The following THEMIS variants were observed in gnomAD, a reference collection of about 807,000 sequenced individuals.
THEMIS encodes thymocyte selection associated, also known as protein THEMIS.
A neutral mutation model predicts 52.6 loss-of-function variants in THEMIS; 37 were observed. That is an observed-to-expected ratio of 0.70 (90% CI 0.54 to 0.93). THEMIS has a LOEUF of 0.93. Ranked by LOEUF, THEMIS falls within the 40% of genes least tolerant of loss-of-function variation. The pLI is 0.00. For missense variants in THEMIS, 808 were observed against 763.1 expected, an observed-to-expected ratio of 1.06 and a Z score of -0.69; for synonymous variants, 292 against 272.7, an observed-to-expected ratio of 1.07 and a Z score of -0.70.
At chr6:127,760,200 G>A (rs1775976322) in intron 4 of THEMIS, among the ~76,000 whole-genome samples, 1 of 151,210 alleles carries the variant, frequency 6.6e-6, no homozygotes, top group Non-Finnish European at 1.5e-5. Context: ...CCATATATGT[G>A]TAGATTTACT....
At chr6:127,809,738 G>T (rs986011811) in intron 4 of THEMIS, among the ~76,000 whole-genome samples, 4 of 151,466 alleles carry the variant, frequency 2.6e-5, no homozygotes, top group African/African-American at 9.7e-5. Flanking sequence ...CACCAAATTT[G>T]TCCTCCCTTT....
At chr6:127,888,177 G>T (rs1780701495) in intron 1 of THEMIS, among the ~76,000 whole-genome samples, 1 of 152,106 alleles carries the variant, frequency 6.6e-6, no homozygotes, top group Admixed American at 6.6e-5. Context: ...AGGAGGAGAA[G>T]CAGATTAATA....
chr6:127,766,808 A>T (rs1168412314), intron 4 of THEMIS, among the ~76,000 whole-genome samples: 1 of 152,218 alleles, frequency 6.6e-6, no homozygotes, highest in African/African-American at 2.4e-5. Flanking sequence ...ACTTACTATG[A>T]ATGAAATTTG....
chr6:127,878,210 T>G (rs1385918398), intron 1 of THEMIS, among the ~76,000 whole-genome samples: 1 of 152,140 alleles, frequency 6.6e-6, no homozygotes, highest in Non-Finnish European at 1.5e-5. Context: ...TGCAAAGTGG[T>G]ATAAGAATCT....
chr6:127,796,747 A>G (rs1421039231), intron 4 of THEMIS, among the ~76,000 whole-genome samples: 1 of 152,224 alleles, frequency 6.6e-6, no homozygotes. Context: ...ACATGGGTAT[A>G]TACAGTATAT....
intron 1 of THEMIS, among the ~76,000 whole-genome samples, chr6:127,881,084 C>CT (rs1481993497): frequency 6.6e-6 from 1 of 151,962 alleles, no homozygotes; most frequent in African/African-American, 2.4e-5. Flanking sequence ...GTTTTATCAT[C>CT]TTTTTTTGCA....
At chr6:127,824,224 T>C (rs561973128) in intron 3 of THEMIS, among the ~76,000 whole-genome samples, 3 of 152,100 alleles carry the variant, frequency 2.0e-5, no homozygotes, top group Admixed American at 6.5e-5. Flanking sequence ...AAACCAGACA[T>C]AGGTGAGCAG....
At chr6:127,729,198 CTCTCTT>C (rs1465220226) in intron 4 of THEMIS, among the ~76,000 whole-genome samples, 2 of 87,326 alleles carry the variant, frequency 2.3e-5, no homozygotes, top group African/African-American at 3.7e-5. Flanking sequence ...CTCTCTCTCT[CTCTCTT>C]CACTCATCCC....
At chr6:127,855,664 C>T (rs569575809) in intron 1 of THEMIS, among the ~76,000 whole-genome samples, 1 of 152,036 alleles carries the variant, frequency 6.6e-6, no homozygotes, top group East Asian at 1.9e-4. Flanking sequence ...ATCTGGTTCT[C>T]TTCATTAGCA....
rs9986503 is a variant in THEMIS at position 127,757,549 on chromosome 6, C to A, written c.1759-37726G>T. On this transcript the variant is annotated intron_variant, in intron 4 of 5. Coordinates refer to ENST00000368248, the MANE Select transcript of THEMIS (RefSeq NM_001010923.3). ...CCAGGCTGGAGTGCAGTGGCGCTAT[C>A]TCGGCTCACTGCAAGCTCTGCCTCC... Among the ~76,000 whole-genome samples, 227 of 151,850 alleles carry A rather than the reference C, an allele frequency of 1.5e-3. 1 individual carries two copies. The highest frequency in any genetic ancestry group is 4.9e-3 in the African/African-American group (202 of 41,416).
At chr6:127,802,003 G>T (rs1289046747) in intron 4 of THEMIS, among the ~76,000 whole-genome samples, 1 of 152,124 alleles carries the variant, frequency 6.6e-6, no homozygotes, top group Non-Finnish European at 1.5e-5. Context: ...TTGTTGATTT[G>T]GGCCCACTAA....
intron 1 of THEMIS, among the ~76,000 whole-genome samples, chr6:127,912,341 C>T (rs1781431624): frequency 6.6e-6 from 1 of 152,064 alleles, no homozygotes; most frequent in South Asian, 2.1e-4. Context: ...AGGGAACTTG[C>T]CTTGTTTCAG....
At chr6:127,748,798 G>A (rs572713257) in intron 4 of THEMIS, among the ~76,000 whole-genome samples, 1 of 152,018 alleles carries the variant, frequency 6.6e-6, no homozygotes, top group African/African-American at 2.4e-5. Context: ...CAATTTCCAG[G>A]TTAACCTATA....
chr6:127,753,427 A>C (rs1053263791), intron 4 of THEMIS, among the ~76,000 whole-genome samples: 4 of 152,072 alleles, frequency 2.6e-5, no homozygotes, highest in African/African-American at 9.7e-5. Flanking sequence ...AAAAATAATA[A>C]AAATACTTAA....
At chr6:127,725,836 G>A (rs1774525953) in intron 4 of THEMIS, among the ~76,000 whole-genome samples, 1 of 152,072 alleles carries the variant, frequency 6.6e-6, no homozygotes, top group African/African-American at 2.4e-5. Flanking sequence ...GTACCTTGCA[G>A]CCTTACGTTG....
intron 4 of THEMIS, among the ~76,000 whole-genome samples, chr6:127,746,705 A>G (rs1310291304): frequency 1.7e-5 from 2 of 117,108 alleles, no homozygotes; most frequent in East Asian, 4.5e-4. Flanking sequence ...TTTATATTGT[A>G]GAGATCTATA....
chr6:127,730,296 G>T (rs1008071745), intron 4 of THEMIS, among the ~76,000 whole-genome samples: 10 of 124,424 alleles, frequency 8.0e-5, no homozygotes, highest in Non-Finnish European at 1.2e-4. Flanking sequence ...GAAAAGAAAA[G>T]AAAAGAAAAG....
chr6:127,703,326 C>T (rs1368953742), downstream of THEMIS, among the ~76,000 whole-genome samples: 1 of 152,076 alleles, frequency 6.6e-6, no homozygotes. Context: ...GGATTACAGG[C>T]GTGAGACACC....
In THEMIS at chr6:127,829,843, A is replaced by G. The variant is rs146730708; in HGVS notation, c.342T>C (p.His114=). 1.1e-4 allele frequency: 170 copies of G among 1,614,018 alleles called. No individual in the cohort carries two copies. Among genetic ancestry groups the G allele is most frequent in the Non-Finnish European group, 1.4e-4 (162 of 1,180,024 alleles). The part of the protein sequence containing the change: ...TIHIGPSRLG[H]PCFYHQKDIK... ...TATCCTTCTGATGATAGAAGCAAGG[A>G]TGCCCTAGTCTACTTGGTCCAATAT... Residue 114 remains histidine, a synonymous_variant, in exon 3 of 6, where the codon CAT becomes CAC. Transcript: ENST00000368248.
Sources: allele counts gnomAD v4.1 joint callset (sites outside exome capture counted in the v4.1 genomes callset), GRCh38; gene constraint gnomAD v4.1.1; transcripts MANE v1.5; gene names NCBI Gene and HGNC (gene_info 2026-07-23, HGNC 2026-07-21).